The following ATRNL1 variants were observed in gnomAD, a reference collection of about 807,000 sequenced individuals.
ATRNL1 encodes the protein attractin like 1.
In ATRNL1, 95 loss-of-function variants were observed where a neutral mutation model predicts 182.7. The observed-to-expected ratio is 0.52, with a 90% confidence interval of 0.44 to 0.62. ATRNL1 has a LOEUF of 0.62. Among genes scored for constraint, ATRNL1 ranks in the 20% least tolerant of loss-of-function variants. The pLI is 0.00. For synonymous variants in ATRNL1, 576 were observed against 568.3 expected, an observed-to-expected ratio of 1.01 and a Z score of -0.19; for missense variants, 1,471 against 1,679.5, an observed-to-expected ratio of 0.88 and a Z score of 2.17.
intron 8 of ATRNL1, among the ~76,000 whole-genome samples, chr10:115,186,730 G>A (rs1373643363): frequency 6.6e-6 from 1 of 152,032 alleles, no homozygotes; most frequent in Non-Finnish European, 1.5e-5. Context: ...TGATTAATGG[G>A]TGCAGAAAGT....
chr10:115,759,383 G>T (rs1022917984), intron 27 of ATRNL1, among the ~76,000 whole-genome samples: 17 of 152,194 alleles, frequency 1.1e-4, no homozygotes, highest in Admixed American at 9.2e-4. Context: ...ATGGTAGGAT[G>T]TTTAGCACCC....
At chr10:115,395,146 T>G (rs1844222308) in intron 20 of ATRNL1, among the ~76,000 whole-genome samples, 1 of 152,000 alleles carries the variant, frequency 6.6e-6, no homozygotes, top group South Asian at 2.1e-4. Context: ...CTATGTTAAT[T>G]TGCTTAGGAT....
chr10:115,859,158 C>T (rs782016761), intron 28 of ATRNL1, among the ~76,000 whole-genome samples: 5 of 152,078 alleles, frequency 3.3e-5, no homozygotes, highest in Non-Finnish European at 5.9e-5. Context: ...AAAAACCCCC[C>T]ACCTCCAAAT....
At chr10:115,852,604 AGTGAGTGAGT>A (rs1272383062) in intron 28 of ATRNL1, among the ~76,000 whole-genome samples, 2 of 152,146 alleles carry the variant, frequency 1.3e-5, no homozygotes, top group Non-Finnish European at 2.9e-5. Flanking sequence ...AAATGCAGCT[AGTGAGTGAGT>A]GAGCCAGAAT....
intron 26 of ATRNL1, among the ~76,000 whole-genome samples, chr10:115,587,129 G>T (rs540703620): frequency 2.0e-5 from 3 of 148,794 alleles, no homozygotes; most frequent in African/African-American, 7.3e-5. Flanking sequence ...CTCCAGCTGC[G>T]TACTGGGAGA....
intron 26 of ATRNL1, among the ~76,000 whole-genome samples, chr10:115,685,217 A>T (rs1946177481): frequency 6.6e-6 from 1 of 151,768 alleles, no homozygotes; most frequent in African/African-American, 2.4e-5. Flanking sequence ...TTGAGATTTT[A>T]AAAATACCCT....
At chr10:115,545,159 C>T (rs1451608507) in intron 25 of ATRNL1, among the ~76,000 whole-genome samples, 1 of 147,950 alleles carries the variant, frequency 6.8e-6, no homozygotes, top group Non-Finnish European at 1.5e-5. Context: ...GGCGTGAACC[C>T]GGGAGGCGGA....
chr10:115,880,468 A>C (rs1951801864), intron 28 of ATRNL1, among the ~76,000 whole-genome samples: 1 of 152,130 alleles, frequency 6.6e-6, no homozygotes, highest in African/African-American at 2.4e-5. Context: ...TACTAATAAA[A>C]ATTTTAAAAA....
chr10:115,228,922 C>T (rs1379396745), intron 9 of ATRNL1, among the ~76,000 whole-genome samples: 7 of 151,664 alleles, frequency 4.6e-5, no homozygotes, highest in African/African-American at 9.7e-5. Context: ...CCTGACACCA[C>T]GCCAGGCTAT....
chr10:115,687,236 A>G (rs1946247097), intron 26 of ATRNL1, among the ~76,000 whole-genome samples: 1 of 152,022 alleles, frequency 6.6e-6, no homozygotes, highest in Non-Finnish European at 1.5e-5. Context: ...GCTTAACTGA[A>G]ACTTTGTACA....
At chr10:115,670,173 AAAT>A (rs1251453686) in intron 26 of ATRNL1, among the ~76,000 whole-genome samples, 2 of 152,074 alleles carry the variant, frequency 1.3e-5, no homozygotes, top group Non-Finnish European at 2.9e-5. Flanking sequence ...TTTAAAATGG[AAAT>A]AATATCCATA....
chr10:115,208,213 C>T (rs782671774), intron 8 of ATRNL1, among the ~76,000 whole-genome samples: 5 of 151,950 alleles, frequency 3.3e-5, no homozygotes, highest in Non-Finnish European at 7.4e-5. Context: ...TTATCATATT[C>T]ATGTTTTCTG....
chr10:115,462,877 C>T (rs1490349367), intron 22 of ATRNL1, among the ~76,000 whole-genome samples: 2 of 151,728 alleles, frequency 1.3e-5, no homozygotes, highest in African/African-American at 2.4e-5. Flanking sequence ...TAGGTTGTGT[C>T]GAAATAACAC....
At chr10:115,609,509 A>G (rs12256161) in intron 26 of ATRNL1, among the ~76,000 whole-genome samples, 1,659 of 152,316 alleles carry the variant, frequency 0.011, 29 homozygotes, top group African/African-American at 0.038. Flanking sequence ...GTTTTTATGA[A>G]TCACTATTTT....
At position 115,897,056 on chromosome 10, in the gene ATRNL1, T is replaced by C. The variant is rs571469418; in HGVS notation, c.4019-47602T>C. ...GAATAAGTATCCCTAACATAAAGAGTCCTGATTAACTAATTTTCTTAATGT... is the reference window on the plus strand; with the variant it reads ...GAATAAGTATCCCTAACATAAAGAGCCCTGATTAACTAATTTTCTTAATGT... On this transcript the variant is annotated intron_variant, in intron 28 of 28. Transcript: ENST00000355044. 9.3e-4 allele frequency among the ~76,000 whole-genome samples: 142 copies of C among 151,986 alleles called. 1 individual carries two copies. The highest frequency in any genetic ancestry group is 3.3e-3 in the African/African-American group (137 of 41,464).
intron 24 of ATRNL1, among the ~76,000 whole-genome samples, chr10:115,477,418 A>G (rs1226520989): frequency 1.3e-5 from 2 of 151,596 alleles, no homozygotes; most frequent in African/African-American, 4.8e-5. Context: ...CATGCCTGCT[A>G]TACTGAATGA....
intron 25 of ATRNL1, among the ~76,000 whole-genome samples, chr10:115,540,144 A>T (rs1298053197): frequency 7.9e-5 from 12 of 151,256 alleles, no homozygotes; most frequent in South Asian, 6.3e-4. Context: ...TAAATAAATA[A>T]ATAAATAAAT....
chr10:115,179,829 G>A (rs1304639344), intron 8 of ATRNL1, among the ~76,000 whole-genome samples: 2 of 152,066 alleles, frequency 1.3e-5, no homozygotes, highest in East Asian at 1.9e-4. Flanking sequence ...AAATTTTAAT[G>A]TCACATGGTC....
At chr10:115,896,211 A>G (rs1322553328) in intron 28 of ATRNL1, among the ~76,000 whole-genome samples, 5 of 152,194 alleles carry the variant, frequency 3.3e-5, no homozygotes, top group African/African-American at 1.2e-4. Context: ...ATGTATTCTG[A>G]GATTATGGTT....
Sources: gnomAD v4.1 joint callset for allele counts (sites outside exome capture counted in the v4.1 genomes callset) on GRCh38, gnomAD v4.1.1 for gene constraint, MANE v1.5 for transcripts, NCBI Gene and HGNC (gene_info 2026-07-23, HGNC 2026-07-21) for gene names.